Variants in RNF7 observed in about 807,000 individuals in gnomAD.
RNF7 encodes the protein ring finger protein 7, also known as RING-box protein 2.
Under a neutral mutation model 17.0 loss-of-function variants are expected in RNF7, and 9 were observed. The observed-to-expected ratio is 0.53, with a 90% CI of 0.32 to 0.92. The LOEUF (loss-of-function observed/expected upper bound fraction) is 0.92, where lower values mean the gene tolerates loss of function less well. Ranked by LOEUF, RNF7 falls within the 40% of genes least tolerant of loss-of-function variation. The pLI, the probability that RNF7 is intolerant of heterozygous loss-of-function variation, is 0.04. For synonymous variants in RNF7, 59 were observed against 50.5 expected, an observed-to-expected ratio of 1.17 and a Z score of -0.72; for missense variants, 87 against 145.8, an observed-to-expected ratio of 0.60 and a Z score of 2.08.
At chr3:141,742,159 C>T (rs985924473) in intron 1 of RNF7, among the ~76,000 whole-genome samples, 1 of 151,818 alleles carries the variant, frequency 6.6e-6, no homozygotes, top group Non-Finnish European at 1.5e-5. Context: ...TCCAAAAGGC[C>T]CCAGTGTGTG....
intron 1 of RNF7, among the ~76,000 whole-genome samples, chr3:141,741,095 C>T (rs1052777158): frequency 2.0e-5 from 3 of 152,218 alleles, no homozygotes; most frequent in African/African-American, 7.2e-5. Flanking sequence ...ATGACTGTAT[C>T]ACCTTGGATA....
At chr3:141,744,237 C>G (rs1197787915) in intron 2 of RNF7, among the ~76,000 whole-genome samples, 1 of 152,162 alleles carries the variant, frequency 6.6e-6, no homozygotes, top group Non-Finnish European at 1.5e-5. Flanking sequence ...AATATTGATT[C>G]TTGCAGTTTT....
At chr3:141,742,551 A>C in intron 1 of RNF7, 2 of 1,041,234 alleles carry the variant, frequency 1.9e-6, no homozygotes, top group Non-Finnish European at 2.6e-6. Flanking sequence ...AGGGATATCT[A>C]GTATTTACTT....
intron 2 of RNF7, 113 bp from the exon 3 acceptor site, chr3:141,745,046 A>G (rs1351706335): frequency 1.5e-6 from 1 of 658,326 alleles, no homozygotes; most frequent in Non-Finnish European, 2.5e-6. Flanking sequence ...TATTTTGGCC[A>G]ATTAACTATC....
At chr3:141,743,924 C>G (rs866617620) in intron 2 of RNF7, among the ~76,000 whole-genome samples, 1 of 152,246 alleles carries the variant, frequency 6.6e-6, no homozygotes, top group South Asian at 2.1e-4. Context: ...TTTCACTTTT[C>G]AATACTCTTA....
chr3:141,738,354 G>A lies in RNF7; in HGVS notation c.13G>A (p.Glu5Lys). Reference sequence around the variant, plus strand: ...CCGCGGCGCCGCCATGGCCGACGTGGAAGACGGAGAGGAAACCTGCGCCCT... The same window carrying A: ...CCGCGGCGCCGCCATGGCCGACGTGAAAGACGGAGAGGAAACCTGCGCCCT... MADVEDGEETCALAS... is the reference protein window; with the variant it reads MADVKDGEETCALAS... Residue 5 changes from glutamate to lysine, a missense_variant, in exon 1 of 3, where the codon GAA (glutamate) becomes AAA (lysine). Coordinates refer to ENST00000273480, the MANE Select transcript of RNF7 (RefSeq NM_014245.5). The A allele has an allele frequency of 6.3e-7, 1 of 1,576,668 alleles. No homozygotes were observed. The highest frequency in any genetic ancestry group is 8.6e-7 in the Non-Finnish European group (1 of 1,161,732).
At chr3:141,742,719 G>C (rs999949429) in intron 1 of RNF7, 2 of 1,257,130 alleles carry the variant, frequency 1.6e-6, no homozygotes, top group Non-Finnish European at 2.1e-6. Flanking sequence ...TTTGACTGTA[G>C]ATCTGGCTCC....
At position 141,738,402 on chromosome 3, in the gene RNF7, G is replaced by C; in HGVS notation, c.61G>C (p.Gly21Arg). The C allele has an allele frequency of 6.2e-7, 1 of 1,606,824 alleles. No homozygotes were observed. The highest frequency in any genetic ancestry group is 8.5e-7 in the Non-Finnish European group (1 of 1,176,748). The change falls in exon 1 of 3, where the codon GGC (glycine) becomes CGC (arginine). Residue 21 changes from glycine (G) to arginine (R), a missense_variant. Around this residue, in one of 2 missense-constraint regions of RNF7, gnomAD observed 51 missense variants for 41.0 expected, o/e 1.24. Transcript: ENST00000273480. ...CALASHSGSS[G>R]SKSGGDKMFS... ...CCTGGCCTCTCACTCCGGGAGCTCAGGCTCCAAGTCGGGAGGCGACAAGAT... is the reference window on the plus strand; with the variant it reads ...CCTGGCCTCTCACTCCGGGAGCTCACGCTCCAAGTCGGGAGGCGACAAGAT...
rs1408743635 is a variant in RNF7 at position 141,742,976 on chromosome 3, ATATT to A, written c.176-532_176-529del. The A allele has an allele frequency of 3.4e-6, 3 of 882,154 alleles. No individual in the cohort carries two copies. The African/African-American group carries it at 5.5e-5, about 16-fold the overall frequency. The allele number at this position is 882,154 out of a possible 1,614,324, so 54.6% of individuals were successfully genotyped here. A position where few individuals can be genotyped will look rare whatever the true frequency, so the allele number is the denominator to read the frequency against. On this transcript the variant is annotated intron_variant, in intron 1 of 2. Coordinates refer to ENST00000273480, the MANE Select transcript of RNF7 (RefSeq NM_014245.5). ...TTTAATTTAATTTTTTATAAGTTAT[ATATT>A]CATATAGTTCAGAAATTGAGGAAGT... is the stretch of plus-strand genomic sequence containing the variant.
chr3:141,742,299 T>C (rs1430630335), intron 1 of RNF7, among the ~76,000 whole-genome samples: 4 of 148,142 alleles, frequency 2.7e-5, no homozygotes, highest in Non-Finnish European at 4.4e-5. Context: ...CTATCTCGGC[T>C]CACTGCAAGC....
chr3:141,741,997 T>TA lies in RNF7; in HGVS notation c.176-1505dup, dbSNP rs1276964531. On this transcript the variant is annotated intron_variant, in intron 1 of 2. Transcript: ENST00000273480. ...TATTTTCTTTCTTTCTTTTTTTTTT[T>TA]AAAAAAACTTTTAGGTTCAGGGCTA... Among the ~76,000 whole-genome samples, 611 of 151,448 alleles carry TA rather than the reference T, an allele frequency of 4.0e-3. 2 individuals carry two copies. Among genetic ancestry groups the TA allele is most frequent in the African/African-American group, 0.014 (597 of 41,334 alleles).
intron 2 of RNF7, among the ~76,000 whole-genome samples, chr3:141,744,257 C>T (rs981052010): frequency 1.3e-5 from 2 of 152,176 alleles, no homozygotes. Flanking sequence ...TGATCCAGTT[C>T]TTCCTCCTGA....
chr3:141,739,177 C>G (rs971532733), intron 1 of RNF7, among the ~76,000 whole-genome samples: 1 of 152,094 alleles, frequency 6.6e-6, no homozygotes, highest in Non-Finnish European at 1.5e-5. Flanking sequence ...TCAAGAATAT[C>G]TAAGTTTCAT....
At position 141,741,763 on chromosome 3, in the gene RNF7, A is replaced by G. The variant is rs72998395; in HGVS notation, c.176-1746A>G. Among the ~76,000 whole-genome samples, 573 of 151,940 alleles carry G rather than the reference A, an allele frequency of 3.8e-3. 2 individuals are homozygous for G. Among genetic ancestry groups the G allele is most frequent in the Non-Finnish European group, 7.0e-3 (473 of 68,002 alleles). ...TTTTAGTATTTACACCTACTCCACT[A>G]TATTAGAAGTTACTATAAGCTCACT... is the stretch of plus-strand genomic sequence containing the variant. On this transcript the variant is annotated intron_variant, in intron 1 of 2. Transcript: ENST00000273480.
Position 141,746,548 on chromosome 3 carries a change from A to G in RNF7, c.*1271A>G. The G allele has an allele frequency of 6.6e-6, 1 of 151,200 alleles. No individual in the cohort carries two copies. Among genetic ancestry groups the G allele is most frequent in the East Asian group, 2.0e-4 (1 of 5,090 alleles). The allele number at this position is 151,200 out of a possible 1,614,324, so 9.4% of individuals were successfully genotyped here. On this transcript the variant is annotated 3_prime_UTR_variant, in exon 3 of 3. Transcript: ENST00000273480. Reference sequence around the variant, plus strand: ...TTACCTGGAAAGAGTGCAAGAAAATACTAAACAACTTTATCAAACTGATTC... The same window carrying G: ...TTACCTGGAAAGAGTGCAAGAAAATGCTAAACAACTTTATCAAACTGATTC...
In RNF7 at chr3:141,744,054, G is replaced by A. The variant is rs142106107; in HGVS notation, c.223+498G>A. Among the ~76,000 whole-genome samples, 524 of 152,084 alleles carry A rather than the reference G, an allele frequency of 3.4e-3. 6 individuals are homozygous for A. The highest frequency in any genetic ancestry group is 3.4e-3 in the Non-Finnish European group (229 of 68,010). The stretch of plus-strand genomic sequence containing the variant: ...TCTTAGACTACAAAAGTTGTCGTAG[G>A]CTAAATATTTTAGGCAGTTCAAAGA... On this transcript the variant is annotated intron_variant, in intron 2 of 2. Coordinates refer to ENST00000273480, the MANE Select transcript of RNF7 (RefSeq NM_014245.5).
chr3:141,742,105 A>G (rs111369760), intron 1 of RNF7, among the ~76,000 whole-genome samples: 10,575 of 151,662 alleles, frequency 0.07, 1,240 homozygotes, highest in African/African-American at 0.24. Flanking sequence ...TATTGAGCCT[A>G]GTACCCATTA....
At chr3:141,739,791 C>T (rs527793879) in intron 1 of RNF7, among the ~76,000 whole-genome samples, 1 of 152,332 alleles carries the variant, frequency 6.6e-6, no homozygotes, top group South Asian at 2.1e-4. Flanking sequence ...ACATGACCCA[C>T]TTATTTTACA....
At position 141,745,428 on chromosome 3, in the gene RNF7, G is replaced by A. The variant is rs2084461603; in HGVS notation, c.*151G>A. 4.3e-6 allele frequency: 2 copies of A among 469,874 alleles called. No individual in the cohort carries two copies. The highest frequency in any genetic ancestry group is 7.1e-5 in the East Asian group (2 of 27,976). The allele number at this position is 469,874 out of a possible 1,614,324, so 29.1% of individuals were successfully genotyped here. Reference sequence around the variant, plus strand: ...TCCTTTGGGACTCATCAAAGCCTTGGTTTAGCATTTTGTCAGTTTTATCTT... The same window carrying A: ...TCCTTTGGGACTCATCAAAGCCTTGATTTAGCATTTTGTCAGTTTTATCTT... On this transcript the variant is annotated 3_prime_UTR_variant, in exon 3 of 3. Coordinates refer to ENST00000273480, the MANE Select transcript of RNF7 (RefSeq NM_014245.5).
Sources: allele counts gnomAD v4.1 joint callset (sites outside exome capture counted in the v4.1 genomes callset), GRCh38; gene constraint gnomAD v4.1.1; regional missense constraint gnomAD v4.1.1; transcripts MANE v1.5; gene names NCBI Gene and HGNC (gene_info 2026-07-23, HGNC 2026-07-21).